The following SRD5A2 variants were observed in gnomAD, a reference collection of about 807,000 sequenced individuals.
SRD5A2 encodes steroid 5 alpha-reductase 2, also known as 3-oxo-5-alpha-steroid 4-dehydrogenase 2.
Under a neutral mutation model 27.4 loss-of-function variants are expected in SRD5A2, and 30 were observed. The ratio of observed to expected loss-of-function variants is 1.10; its 90% CI spans 0.82 to 1.49. The LOEUF is 1.49. Among genes scored for constraint, SRD5A2 ranks in the 40% most tolerant of loss-of-function variants. The probability of loss-of-function intolerance (pLI) is 0.00; values close to 1 mark genes in which losing one functional copy is unlikely to be tolerated. For synonymous variants in SRD5A2, 141 were observed against 133.6 expected (o/e 1.06, Z -0.38); for missense variants, 348 against 323.4 (o/e 1.08, Z -0.58).
At chr2:31,604,629 C>T in the SRD5A2 span, among the ~76,000 whole-genome samples, 67 of 151,624 alleles carry the variant, frequency 4.4e-4, no homozygotes, top group African/African-American at 1.5e-3. Context: ...ATAAAAACCA[C>T]AAAACATTGA....
the SRD5A2 span, among the ~76,000 whole-genome samples, chr2:31,643,574 TA>T: frequency 6.6e-6 from 1 of 152,126 alleles, no homozygotes; most frequent in East Asian, 1.9e-4. Context: ...TATTTATAAA[TA>T]GCATTTTCCA....
chr2:31,631,731 T>G, the SRD5A2 span, among the ~76,000 whole-genome samples: 351 of 152,314 alleles, frequency 2.3e-3, no homozygotes, highest in African/African-American at 7.7e-3. Context: ...CTGCCATAAC[T>G]GCAGCCAGAG....
chr2:31,538,651 G>A (rs1356827507), intron 1 of SRD5A2, among the ~76,000 whole-genome samples: 1 of 152,134 alleles, frequency 6.6e-6, no homozygotes, highest in Non-Finnish European at 1.5e-5. Flanking sequence ...CTACATCTCT[G>A]CTCTCTTCTA....
chr2:31,556,276 G>C (rs985260365), intron 1 of SRD5A2, among the ~76,000 whole-genome samples: 1 of 152,220 alleles, frequency 6.6e-6, no homozygotes, highest in Non-Finnish European at 1.5e-5. Context: ...ACTAAACACA[G>C]AATGAGTCAG....
chr2:31,628,599 T>C, the SRD5A2 span, among the ~76,000 whole-genome samples: 21 of 152,214 alleles, frequency 1.4e-4, no homozygotes, highest in African/African-American at 5.1e-4. Flanking sequence ...GCTTATGTAG[T>C]GATTGATAAT....
chr2:31,618,933 G>T, the SRD5A2 span, among the ~76,000 whole-genome samples: 1 of 152,046 alleles, frequency 6.6e-6, no homozygotes, highest in African/African-American at 2.4e-5. Context: ...ACATCACACT[G>T]TACCTGATAA....
At chr2:31,628,348 T>C in the SRD5A2 span, among the ~76,000 whole-genome samples, 5 of 152,164 alleles carry the variant, frequency 3.3e-5, no homozygotes, top group Admixed American at 3.3e-4. Context: ...CCCTCTACTT[T>C]GAGCCTATGG....
the SRD5A2 span, among the ~76,000 whole-genome samples, chr2:31,643,702 A>G: frequency 2.0e-5 from 3 of 152,208 alleles, no homozygotes; most frequent in African/African-American, 7.2e-5. Context: ...TGCTCACAGA[A>G]TTATGTAAAA....
chr2:31,627,618 T>C, the SRD5A2 span, among the ~76,000 whole-genome samples: 1 of 152,144 alleles, frequency 6.6e-6, no homozygotes, highest in African/African-American at 2.4e-5. Flanking sequence ...AGTGTAAACT[T>C]CCCTCTTAAC....
In SRD5A2 at chr2:31,580,893, A is replaced by G. The variant is rs755580189; in HGVS notation, c.8T>C (p.Val3Ala). Residue 3 changes from valine to alanine, a missense_variant, in exon 1 of 5, where the codon GTT (valine) becomes GCT (alanine). By Grantham distance (64) the Val-to-Ala change is moderately conservative (BLOSUM62 0). Transcript: ENST00000622030. MQVQCQQSPVLAG... is the reference protein window; with the variant it reads MQAQCQQSPVLAG... ...CAGCACTGGGCTCTGCTGGCACTGA[A>G]CCTGCATCGCGCCGTGTTCCTCGCC... 2.5e-6 allele frequency: 4 copies of G among 1,600,276 alleles called. No homozygotes were observed. Among genetic ancestry groups the G allele is most frequent in the Non-Finnish European group, 3.4e-6 (4 of 1,172,516 alleles).
chr2:31,631,815 A>G, the SRD5A2 span, among the ~76,000 whole-genome samples: 1 of 152,220 alleles, frequency 6.6e-6, no homozygotes, highest in Non-Finnish European at 1.5e-5. Flanking sequence ...AACTCCCCAC[A>G]GGCCAGCAGG....
chr2:31,525,417 A>G lies in SRD5A2; in HGVS notation c.*779T>C, dbSNP rs1210050396. ...TTCTCTATCCTCTTAGTAGCCATCC[A>G]GGGTCATGTTGTTCTCTACTCTCTC... On this transcript the variant is annotated 3_prime_UTR_variant, in exon 5 of 5. Coordinates refer to ENST00000622030, the MANE Select transcript of SRD5A2 (RefSeq NM_000348.4). 1 of 226,952 alleles carries G rather than the reference A, an allele frequency of 4.4e-6. No homozygotes were observed. The highest frequency in any genetic ancestry group is 2.2e-5 in the African/African-American group (1 of 44,996). The allele number at this position is 226,952 out of a possible 1,614,324, so 14.1% of individuals were successfully genotyped here. A position where few individuals can be genotyped will look rare whatever the true frequency, so the allele number is the denominator to read the frequency against.
the SRD5A2 span, among the ~76,000 whole-genome samples, chr2:31,624,591 AG>A: frequency 6.6e-6 from 1 of 152,032 alleles, no homozygotes; most frequent in African/African-American, 2.4e-5. Context: ...CCCACCTATG[AG>A]TGAGAACATG....
intron 1 of SRD5A2, among the ~76,000 whole-genome samples, chr2:31,535,378 C>G (rs997159277): frequency 6.6e-6 from 1 of 152,170 alleles, no homozygotes; most frequent in African/African-American, 2.4e-5. Context: ...CACTTTCCCC[C>G]TTGGCAACAG....
At chr2:31,632,139 G>A in the SRD5A2 span, among the ~76,000 whole-genome samples, 2 of 151,900 alleles carry the variant, frequency 1.3e-5, no homozygotes, top group Non-Finnish European at 2.9e-5. Flanking sequence ...GTCCACCTTA[G>A]GTCCAGAGCA....
At chr2:31,600,203 T>C in the SRD5A2 span, among the ~76,000 whole-genome samples, 4 of 152,028 alleles carry the variant, frequency 2.6e-5, no homozygotes, top group African/African-American at 7.2e-5. Flanking sequence ...ATGGTATATA[T>C]GTGCCACATT....
intron 1 of SRD5A2, among the ~76,000 whole-genome samples, chr2:31,569,118 G>A (rs558214625): frequency 9.2e-5 from 14 of 152,262 alleles, no homozygotes; most frequent in Non-Finnish European, 1.8e-4. Context: ...CAACTTGGTA[G>A]GGGATGGGGC....
At chr2:31,563,546 C>T (rs1666668883) in intron 1 of SRD5A2, 1 of 152,022 alleles carries the variant, frequency 6.6e-6, no homozygotes, top group Admixed American at 6.6e-5. Flanking sequence ...AAGGGGATCC[C>T]AGGGAGAAGC....
At chr2:31,646,647 G>A in the SRD5A2 span, among the ~76,000 whole-genome samples, 1 of 152,034 alleles carries the variant, frequency 6.6e-6, no homozygotes, top group Non-Finnish European at 1.5e-5. Flanking sequence ...TACTGAGGAA[G>A]AAGAAGAGAA....
Sources: gnomAD v4.1 joint callset for allele counts (sites outside exome capture counted in the v4.1 genomes callset) on GRCh38, gnomAD v4.1.1 for gene constraint, MANE v1.5 for transcripts, NCBI Gene and HGNC (gene_info 2026-07-23, HGNC 2026-07-21) for gene names.